Variants in FRMD4B observed in about 807,000 individuals in gnomAD.
FRMD4B encodes the protein FERM domain containing 4B.
FRMD4B carries 74 observed loss-of-function variants against 141.5 expected under a neutral mutation model. The ratio of observed to expected loss-of-function variants is 0.52; its 90% CI spans 0.43 to 0.63. The LOEUF (loss-of-function observed/expected upper bound fraction) is 0.63. Among genes scored for constraint, FRMD4B ranks in the 30% least tolerant of loss-of-function variants. The pLI, the probability that FRMD4B is intolerant of heterozygous loss-of-function variation, is 0.00. For missense variants in FRMD4B, 1,366 were observed against 1,253.4 expected, an observed-to-expected ratio of 1.09 and a Z score of -1.36; for synonymous variants, 506 against 467.9, an observed-to-expected ratio of 1.08 and a Z score of -1.05.
intron 1 of FRMD4B, among the ~76,000 whole-genome samples, chr3:69,495,825 T>C (rs1275435087): frequency 6.6e-6 from 1 of 152,212 alleles, no homozygotes; most frequent in African/African-American, 2.4e-5. Flanking sequence ...TATTGTTGTT[T>C]GACTACGTTG....
chr3:69,521,155 C>T lies in FRMD4B; in HGVS notation c.-129+21051G>A, dbSNP rs74552210. Reference sequence around the variant, plus strand: ...GAGGGACCCCAGATGGTCCCCCACCCTGCATCAGGGCTGCTGTCCCTCCCA... The same window carrying T: ...GAGGGACCCCAGATGGTCCCCCACCTTGCATCAGGGCTGCTGTCCCTCCCA... On this transcript the variant is annotated intron_variant, in intron 1 of 5. Coordinates refer to the FRMD4B transcript ENST00000459638. 5.9e-3 allele frequency among the ~76,000 whole-genome samples: 896 copies of T among 152,240 alleles called. 7 individuals are homozygous for T. Among genetic ancestry groups the T allele is most frequent in the African/African-American group, 0.021 (859 of 41,526 alleles).
chr3:69,232,602 A>G (rs1342410842), intron 7 of FRMD4B, among the ~76,000 whole-genome samples: 2 of 152,152 alleles, frequency 1.3e-5, no homozygotes. Context: ...AGAAAGCCAC[A>G]TGGCTGGCAA....
rs1354476381 is a variant in FRMD4B at position 69,499,040 on chromosome 3, G to T, written c.-129+43166C>A. Among the ~76,000 whole-genome samples the T allele has an allele frequency of 3.3e-5, 5 of 152,250 alleles. No homozygotes were observed. The East Asian group carries it at 7.7e-4, about 23-fold the overall frequency. ...TTAGAAAGGATACTTGTTAATAAAA[G>T]TCCTTTGTAAAACAAAGACACTGAG... On this transcript the variant is annotated intron_variant, in intron 1 of 5. Transcript: ENST00000459638.
At chr3:69,341,809 G>C (rs191464995) in intron 1 of FRMD4B, among the ~76,000 whole-genome samples, 1 of 152,334 alleles carries the variant, frequency 6.6e-6, no homozygotes, top group Admixed American at 6.5e-5. Flanking sequence ...CTTTTGCCAT[G>C]AGAGGATATA....
intron 4 of FRMD4B, among the ~76,000 whole-genome samples, chr3:69,297,784 A>C (rs1236680808): frequency 6.6e-6 from 1 of 152,176 alleles, no homozygotes; most frequent in Non-Finnish European, 1.5e-5. Flanking sequence ...GTCCCCCAGA[A>C]ACCTGGGGGA....
chr3:69,335,004 G>A (rs1702495429), intron 1 of FRMD4B, among the ~76,000 whole-genome samples: 1 of 152,158 alleles, frequency 6.6e-6, no homozygotes. Flanking sequence ...GACAGAGCAG[G>A]CTGGGCCAGT....
intron 7 of FRMD4B, among the ~76,000 whole-genome samples, chr3:69,245,899 G>A (rs1309837593): frequency 2.2e-5 from 3 of 136,830 alleles, no homozygotes; most frequent in African/African-American, 8.4e-5. Flanking sequence ...GTGCAATGGT[G>A]TGATCTCGGC....
chr3:69,529,622 G>T (rs1700984487), intron 1 of FRMD4B, among the ~76,000 whole-genome samples: 1 of 152,152 alleles, frequency 6.6e-6, no homozygotes, highest in Non-Finnish European at 1.5e-5. Context: ...TCAGAGCAAA[G>T]GAAGTTTCCC....
chr3:69,197,749 C>T (rs2092923564), intron 12 of FRMD4B: 1 of 152,510 alleles, frequency 6.6e-6, no homozygotes, highest in African/African-American at 2.4e-5. Flanking sequence ...CTCTTCAGGT[C>T]ACCTTTTTAT....
chr3:69,391,021 C>T (rs1437437615), upstream of FRMD4B, among the ~76,000 whole-genome samples: 1 of 152,116 alleles, frequency 6.6e-6, no homozygotes, highest in African/African-American at 2.4e-5. Flanking sequence ...GAAGCAATCA[C>T]TGTATAATGG....
chr3:69,462,024 C>T (rs1480289838), intron 1 of FRMD4B, among the ~76,000 whole-genome samples: 1 of 152,110 alleles, frequency 6.6e-6, no homozygotes, highest in Non-Finnish European at 1.5e-5. Context: ...ATTTTGCTTA[C>T]GGGTGATATC....
At chr3:69,280,463 G>A (rs536596045) in intron 5 of FRMD4B, among the ~76,000 whole-genome samples, 19 of 152,140 alleles carry the variant, frequency 1.2e-4, no homozygotes, top group East Asian at 1.2e-3. Flanking sequence ...GCTTTGTCCC[G>A]AGTCCAGCCC....
At chr3:69,483,659 A>C (rs1241682018) in intron 1 of FRMD4B, among the ~76,000 whole-genome samples, 1 of 152,198 alleles carries the variant, frequency 6.6e-6, no homozygotes, top group African/African-American at 2.4e-5. Flanking sequence ...GACACAGAAA[A>C]CCTGGAAACT....
chr3:69,182,609 G>A lies in FRMD4B; in HGVS notation c.2028C>T (p.Ser676=), dbSNP rs369834473. ...TPVLTRNAYS[S]SHLEPESSSQ... ...AGAAGCTCTCTTACTCCAAGTGGCT[G>A]CTGCTGTAGGCGTTTCGGGTAAGAA... is the stretch of plus-strand genomic sequence containing the variant. Residue 676 remains serine (S), a synonymous_variant, in exon 20 of 23, where the codon AGC becomes AGT. Coordinates refer to ENST00000398540, the MANE Select transcript of FRMD4B (RefSeq NM_015123.3). 3.7e-6 allele frequency: 6 copies of A among 1,609,674 alleles called. No homozygotes were observed. In the African/African-American group the frequency reaches 5.4e-5, roughly 14 times the overall value.
chr3:69,520,461 T>C (rs1700838312), intron 1 of FRMD4B, among the ~76,000 whole-genome samples: 1 of 150,308 alleles, frequency 6.7e-6, no homozygotes, highest in African/African-American at 2.4e-5. Context: ...TTGGGGTGTA[T>C]ACCAGATACC....
At chr3:69,186,983 A>G (rs1359733309) in intron 19 of FRMD4B, among the ~76,000 whole-genome samples, 1 of 152,146 alleles carries the variant, frequency 6.6e-6, no homozygotes, top group Non-Finnish European at 1.5e-5. Context: ...GATAATATTT[A>G]CCTGAGATAT....
chr3:69,188,682 G>A lies in FRMD4B; in HGVS notation c.1772-765C>T, dbSNP rs190237591. The stretch of plus-strand genomic sequence containing the variant: ...TGAGGCAGGAGAATGGCGTGAACCC[G>A]GGAAGCGGAGCTTGCAGTGAGCCGA... On this transcript the variant is annotated intron_variant, in intron 18 of 22. Coordinates refer to ENST00000398540, the MANE Select transcript of FRMD4B (RefSeq NM_015123.3). Among the ~76,000 whole-genome samples the A allele has an allele frequency of 3.6e-3, 545 of 149,950 alleles. 13 individuals are homozygous for A. In the East Asian group the frequency reaches 0.05, roughly 14 times the overall value.
intron 1 of FRMD4B, among the ~76,000 whole-genome samples, chr3:69,538,674 G>C (rs1025086381): frequency 6.6e-6 from 1 of 152,164 alleles, no homozygotes; most frequent in African/African-American, 2.4e-5. Context: ...GATAAAAAAT[G>C]ACATGATAAT....
rs769207835 is a variant in FRMD4B, at chr3:69,187,871, A to G, written c.1818T>C (p.Pro606=). ...TGGGGGGAAGAATTCTTGGAGAATGAGGTACTGAACTTGATCGCTGCCCAG... is the reference window on the plus strand; with the variant it reads ...TGGGGGGAAGAATTCTTGGAGAATGGGGTACTGAACTTGATCGCTGCCCAG... ...TFPGQRSSSV[P]HSPRILPPKS... The change falls in exon 19 of 23, where the codon CCT becomes CCC. Residue 606 remains proline, a synonymous_variant. Transcript: ENST00000398540. 1.9e-6 allele frequency: 3 copies of G among 1,608,244 alleles called. No homozygotes were observed. Among genetic ancestry groups the G allele is most frequent in the Non-Finnish European group, 8.5e-7 (1 of 1,176,420 alleles).
Sources: gnomAD v4.1 joint callset for allele counts (sites outside exome capture counted in the v4.1 genomes callset) on GRCh38, gnomAD v4.1.1 for gene constraint, MANE v1.5 for transcripts, NCBI Gene and HGNC (gene_info 2026-07-23, HGNC 2026-07-21) for gene names.